Variants in ZFHX3 observed in about 807,000 individuals in gnomAD.
ZFHX3 encodes zinc finger homeobox 3.
A neutral mutation model predicts 279.1 loss-of-function variants in ZFHX3; 42 were observed. The observed-to-expected ratio is 0.15, with a 90% CI of 0.12 to 0.19. ZFHX3 has a LOEUF of 0.19. Among genes scored for constraint, ZFHX3 ranks in the 10% least tolerant of loss-of-function variants. The probability of loss-of-function intolerance (pLI) is 1.00; values close to 1 mark genes in which losing one functional copy is unlikely to be tolerated. For missense variants in ZFHX3, 4,981 were observed against 4,754.0 expected (o/e 1.05, Z -1.40); for synonymous variants, 2,293 against 1,957.8 (o/e 1.17, Z -4.52).
intron 2 of ZFHX3, among the ~76,000 whole-genome samples, chr16:73,493,785 T>G (rs2019092099): frequency 6.6e-6 from 1 of 152,104 alleles, no homozygotes; most frequent in Admixed American, 6.5e-5. Flanking sequence ...GGTGGGCACA[T>G]GCACACACGG....
At chr16:73,564,815 T>C (rs1287599933) in intron 2 of ZFHX3, among the ~76,000 whole-genome samples, 2 of 152,240 alleles carry the variant, frequency 1.3e-5, no homozygotes, top group Non-Finnish European at 2.9e-5. Flanking sequence ...CAAAATGCTG[T>C]CATCTCCACG....
chr16:73,523,082 C>T (rs1196601959), intron 2 of ZFHX3, among the ~76,000 whole-genome samples: 1 of 152,156 alleles, frequency 6.6e-6, no homozygotes, highest in Non-Finnish European at 1.5e-5. Context: ...AGGGACACAG[C>T]CAAACCATAT....
intron 5 of ZFHX3, among the ~76,000 whole-genome samples, chr16:73,220,967 T>A (rs1035649408): frequency 1.3e-5 from 2 of 152,106 alleles, no homozygotes; most frequent in African/African-American, 4.8e-5. Context: ...TCTGGGCTTA[T>A]CCTATATGGG....
intron 3 of ZFHX3, among the ~76,000 whole-genome samples, chr16:73,352,759 C>T (rs1204545961): frequency 6.6e-6 from 1 of 152,100 alleles, no homozygotes. Flanking sequence ...AAGTAAGGGA[C>T]ACAACTAGCC....
At chr16:73,734,619 A>C (rs541487731) in intron 1 of ZFHX3, among the ~76,000 whole-genome samples, 13 of 152,318 alleles carry the variant, frequency 8.5e-5, no homozygotes, top group African/African-American at 3.1e-4. Context: ...GAATTTGTAG[A>C]GAAAATAATT....
intron 5 of ZFHX3, among the ~76,000 whole-genome samples, chr16:73,163,645 G>C (rs1371950102): frequency 2.0e-5 from 3 of 152,214 alleles, no homozygotes; most frequent in Non-Finnish European, 4.4e-5. Flanking sequence ...ACAATAGTAA[G>C]TGGACTAACA....
intron 1 of ZFHX3, among the ~76,000 whole-genome samples, chr16:73,054,775 C>T (rs1222763097): frequency 1.3e-5 from 2 of 151,950 alleles, no homozygotes; most frequent in African/African-American, 4.8e-5. Flanking sequence ...TATATATAGC[C>T]GCCGTTGCTC....
At chr16:73,236,738 T>A (rs1380230705) in intron 5 of ZFHX3, among the ~76,000 whole-genome samples, 2 of 152,228 alleles carry the variant, frequency 1.3e-5, no homozygotes, top group African/African-American at 4.8e-5. Flanking sequence ...AATTAGTGAT[T>A]AGTGTCAGTT....
At chr16:73,397,068 T>C (rs1291305757) in intron 3 of ZFHX3, among the ~76,000 whole-genome samples, 5 of 152,244 alleles carry the variant, frequency 3.3e-5, no homozygotes, top group Admixed American at 2.0e-4. Context: ...ACTTCTTTGC[T>C]TATCCAGCTG....
intron 1 of ZFHX3, among the ~76,000 whole-genome samples, chr16:73,803,153 C>A (rs1190766674): frequency 1.3e-5 from 2 of 152,128 alleles, no homozygotes; most frequent in Non-Finnish European, 2.9e-5. Flanking sequence ...AGAAAGAAGA[C>A]AACTCAAAAG....
intron 1 of ZFHX3, among the ~76,000 whole-genome samples, chr16:73,807,446 C>T (rs1222903185): frequency 6.6e-6 from 1 of 152,036 alleles, no homozygotes; most frequent in Admixed American, 6.6e-5. Context: ...ATTGCACCAA[C>T]ATCATCTGTT....
chr16:72,970,985 A>G (rs1350419483), intron 1 of ZFHX3, among the ~76,000 whole-genome samples: 1 of 152,216 alleles, frequency 6.6e-6, no homozygotes, highest in African/African-American at 2.4e-5. Flanking sequence ...CTAAAGTTAA[A>G]ATCACTGACA....
At chr16:73,320,365 C>T (rs2015551665) in intron 3 of ZFHX3, among the ~76,000 whole-genome samples, 4 of 152,152 alleles carry the variant, frequency 2.6e-5, no homozygotes, top group South Asian at 2.1e-4. Flanking sequence ...TAGCCAAGCA[C>T]GAATGCCACT....
At chr16:73,604,755 A>G (rs2143869082) in intron 2 of ZFHX3, among the ~76,000 whole-genome samples, 1 of 151,918 alleles carries the variant, frequency 6.6e-6, no homozygotes, top group Non-Finnish European at 1.5e-5. Flanking sequence ...AAAAAAAAAA[A>G]AAAATCTCCC....
chr16:73,616,039 G>A (rs2052297912), intron 2 of ZFHX3, among the ~76,000 whole-genome samples: 1 of 152,032 alleles, frequency 6.6e-6, no homozygotes, highest in Non-Finnish European at 1.5e-5. Flanking sequence ...TTTTAGATTA[G>A]AATGTTTGGA....
intron 1 of ZFHX3, among the ~76,000 whole-genome samples, chr16:73,751,460 C>T (rs1358185184): frequency 6.6e-6 from 1 of 152,084 alleles, no homozygotes; most frequent in African/African-American, 2.4e-5. Flanking sequence ...CATTGGACAA[C>T]ATTGTACCTG....
intron 2 of ZFHX3, among the ~76,000 whole-genome samples, chr16:73,663,518 A>G (rs568697375): frequency 6.6e-6 from 1 of 152,162 alleles, no homozygotes; most frequent in African/African-American, 2.4e-5. Context: ...GAAAGCCACA[A>G]ACTTGCTCTC....
chr16:73,428,250 C>T (rs960709558), intron 3 of ZFHX3, among the ~76,000 whole-genome samples: 2 of 152,168 alleles, frequency 1.3e-5, no homozygotes, highest in Admixed American at 1.3e-4. Flanking sequence ...GCACACATGC[C>T]GGCCTTGAAC....
chr16:73,177,423 A>ACAT (rs1456679101), intron 5 of ZFHX3, among the ~76,000 whole-genome samples: 1 of 152,218 alleles, frequency 6.6e-6, no homozygotes, highest in Non-Finnish European at 1.5e-5. Flanking sequence ...TTAATGTGAC[A>ACAT]CATATCGTCA....
Sources: allele counts gnomAD v4.1 joint callset (sites outside exome capture counted in the v4.1 genomes callset), GRCh38; gene constraint gnomAD v4.1.1; transcripts MANE v1.5; gene names NCBI Gene and HGNC (gene_info 2026-07-23, HGNC 2026-07-21).